Variants in FBXW10 observed in about 807,000 individuals in gnomAD.
FBXW10 encodes the protein F-box/WD repeat-containing protein 10.
In FBXW10, 68 loss-of-function variants were observed where a neutral mutation model predicts 113.1. The observed-to-expected ratio is 0.60, with a 90% confidence interval of 0.49 to 0.74. FBXW10 has a LOEUF of 0.74. Ranked by LOEUF, FBXW10 falls within the 30% of genes least tolerant of loss-of-function variation. FBXW10 has a pLI of 0.00. For synonymous variants in FBXW10, 289 were observed against 481.6 expected (o/e 0.60, Z 5.24); for missense variants, 753 against 1,284.5 (o/e 0.59, Z 6.32).
chr17:18,763,004 A>G (rs1324861765), intron 7 of FBXW10, among the ~76,000 whole-genome samples: 1 of 148,778 alleles, frequency 6.7e-6, no homozygotes, highest in Admixed American at 6.8e-5. Context: ...CTGTGGCTGC[A>G]TTGTAGGCTC....
At chr17:18,751,466 G>T (rs2035170023) in intron 5 of FBXW10, among the ~76,000 whole-genome samples, 1 of 152,116 alleles carries the variant, frequency 6.6e-6, no homozygotes, top group African/African-American at 2.4e-5. Flanking sequence ...TCCTGACCTT[G>T]TGATCCTCCC....
At chr17:18,758,611 G>A (rs574491263) in intron 7 of FBXW10, 106 bp downstream of exon 7, 1 of 1,330,330 alleles carries the variant, frequency 7.5e-7, no homozygotes, top group East Asian at 2.7e-5. Flanking sequence ...AGTTTTCCTA[G>A]AAGATACTGA....
At position 18,746,876 on chromosome 17, in the gene FBXW10, C is replaced by T. The variant is rs2035047353; in HGVS notation, c.506-1065C>T. ...ATTCACCATAGGAATGGGCTATTTA[C>T]ACTGGAGTTGTGTTAAGTCCTATTA... is the stretch of plus-strand genomic sequence containing the variant. On this transcript the variant is annotated intron_variant, in intron 1 of 13. Coordinates refer to ENST00000395665, the MANE Select transcript of FBXW10 (RefSeq NM_001267585.2). Among the ~76,000 whole-genome samples, 3 of 151,840 alleles carry T rather than the reference C, an allele frequency of 2.0e-5. No homozygotes were observed. The South Asian group carries it at 6.2e-4, about 31-fold the overall frequency.
chr17:18,748,058 C>G lies in FBXW10; in HGVS notation c.623C>G (p.Ser208Cys), dbSNP rs1216807813. ...ACTCAGCACACATCCCTTCCTTTGT[C>G]CAAAGCCCCAGAAAATGAACACTTG... ...AKTQHTSLPL[S>C]KAPENEHLLG... is the part of the protein sequence containing the mutation. Residue 208 changes from serine (S) to cysteine (C), a missense_variant, in exon 2 of 14, where the codon TCC becomes TGC. Coordinates refer to ENST00000395665, the MANE Select transcript of FBXW10 (RefSeq NM_001267585.2). The G allele has an allele frequency of 2.5e-6, 4 of 1,613,866 alleles. No individual in the cohort carries two copies. Among genetic ancestry groups the G allele is most frequent in the Non-Finnish European group, 3.4e-6 (4 of 1,179,860 alleles).
intron 11 of FBXW10, among the ~76,000 whole-genome samples, chr17:18,771,105 T>G (rs56009532): frequency 0.095 from 13,133 of 138,874 alleles, 597 homozygotes; most frequent in African/African-American, 0.11. Context: ...GTCATGCTGC[T>G]AAAAAAAAAA....
chr17:18,755,872 G>T (rs1597592395), intron 5 of FBXW10, among the ~76,000 whole-genome samples, 173 bp from the exon 6 acceptor site: 1 of 152,122 alleles, frequency 6.6e-6, no homozygotes, highest in Non-Finnish European at 1.5e-5. Context: ...CTAACTCATG[G>T]TTTCCTTTGG....
At chr17:18,776,912 GA>G (rs2035709848) in intron 13 of FBXW10, among the ~76,000 whole-genome samples, 1 of 151,726 alleles carries the variant, frequency 6.6e-6, no homozygotes, top group Non-Finnish European at 1.5e-5. Flanking sequence ...TACTAACTTG[GA>G]AAGAGATCCA....
At chr17:18,755,902 C>G in intron 5 of FBXW10, 143 bp from the exon 6 acceptor site, 1 of 661,078 alleles carries the variant, frequency 1.5e-6, no homozygotes, top group Non-Finnish European at 2.5e-6. Context: ...ACTGGCTGCT[C>G]CCTTCTCTGC....
intron 7 of FBXW10, among the ~76,000 whole-genome samples, chr17:18,761,268 CTTT>C (rs71284781): frequency 7.1e-6 from 1 of 140,692 alleles, no homozygotes. Context: ...TTTCACTTTT[CTTT>C]TTTTTTTTTT....
chr17:18,758,002 C>T (rs945235476), intron 6 of FBXW10, among the ~76,000 whole-genome samples: 18 of 152,296 alleles, frequency 1.2e-4, no homozygotes, highest in African/African-American at 3.8e-4. Flanking sequence ...CAATTAAATC[C>T]GGGCAATGCC....
rs1207625976 is a variant in FBXW10, at chr17:18,772,649, C to T, written c.2244C>T (p.Ser748=). 2 of 1,613,044 alleles carry T rather than the reference C, an allele frequency of 1.2e-6. No homozygotes were observed. Among genetic ancestry groups the T allele is most frequent in the African/African-American group, 1.3e-5 (1 of 74,786 alleles). The stretch of plus-strand genomic sequence containing the variant: ...TCCTACCAGGCAAACCTCCCAAGTC[C>T]CGAGTACTCCTGAAGCCGGCCAAGT... ...QELLPGKPPK[S]RVLLKPAKFS... is the part of the protein sequence containing the mutation. The change falls in exon 12 of 14, where the codon TCC becomes TCT. Residue 748 remains serine, a synonymous_variant. Transcript: ENST00000395665.
At chr17:18,757,446 G>A (rs2035287976) in intron 6 of FBXW10, among the ~76,000 whole-genome samples, 1 of 152,172 alleles carries the variant, frequency 6.6e-6, no homozygotes, top group African/African-American at 2.4e-5. Context: ...CCTGTTTATT[G>A]GAACAATCCC....
intron 2 of FBXW10, 114 bp from the exon 3 acceptor site, chr17:18,749,608 G>A: frequency 7.2e-7 from 1 of 1,394,842 alleles, no homozygotes; most frequent in Non-Finnish European, 9.9e-7. Flanking sequence ...GTGGCCTAAG[G>A]TTAGAGTCTG....
intron 13 of FBXW10, among the ~76,000 whole-genome samples, chr17:18,777,835 G>T (rs1390055703): frequency 6.6e-6 from 1 of 151,766 alleles, no homozygotes; most frequent in East Asian, 1.9e-4. Context: ...GAGCCACCGC[G>T]CCCGGCCTCA....
chr17:18,772,579 G>A lies in FBXW10; in HGVS notation c.2174G>A (p.Ser725Asn), dbSNP rs2035636303. 1 of 1,613,918 alleles carries A rather than the reference G, an allele frequency of 6.2e-7. No individual in the cohort carries two copies. Among genetic ancestry groups the A allele is most frequent in the Non-Finnish European group, 8.5e-7 (1 of 1,179,888 alleles). ...TCTAAGTGTAATATTCAGGTTCACAGCCCAAGAGAGTCTGTATCCAGTAAA... is the reference window on the plus strand; with the variant it reads ...TCTAAGTGTAATATTCAGGTTCACAACCCAAGAGAGTCTGTATCCAGTAAA... Reference protein sequence around the residue: ...ILSKCNIQVHSPRESVSSKQT... With the variant: ...ILSKCNIQVHNPRESVSSKQT... The change falls in exon 12 of 14, where the codon AGC (serine) becomes AAC (asparagine). Residue 725 changes from serine to asparagine, a missense_variant. Coordinates refer to ENST00000395665, the MANE Select transcript of FBXW10 (RefSeq NM_001267585.2).
At chr17:18,761,560 C>T (rs550930753) in intron 7 of FBXW10, among the ~76,000 whole-genome samples, 9 of 152,204 alleles carry the variant, frequency 5.9e-5, no homozygotes, top group African/African-American at 1.4e-4. Context: ...CCACCGCGCC[C>T]GGCCTCACTT....
Position 18,744,973 on chromosome 17 carries a change from G to A in FBXW10, c.505+224G>A, listed in dbSNP as rs1277117894. On this transcript the variant is annotated intron_variant, in intron 1 of 13. Transcript: ENST00000395665. The stretch of plus-strand genomic sequence containing the variant: ...CTTCTTGAAAATGATCAATGCAGGA[G>A]GAAGTACACAACTTTTAACTCACAA... The A allele has an allele frequency of 2.8e-5, 40 of 1,423,094 alleles. No homozygotes were observed. In the Admixed American group the frequency reaches 1.1e-3, roughly 40 times the overall value. 88.2% of individuals were successfully genotyped at this position (1,423,094 alleles called of 1,614,324 possible). A position where few individuals can be genotyped will look rare whatever the true frequency, so the allele number is the denominator to read the frequency against.
At chr17:18,765,481 C>T (rs1025237583) in intron 8 of FBXW10, among the ~76,000 whole-genome samples, 11 of 152,238 alleles carry the variant, frequency 7.2e-5, no homozygotes, top group East Asian at 3.8e-4. Context: ...AACCCAACTT[C>T]TCTATGCCTC....
Position 18,748,050 on chromosome 17 carries a change from T to A in FBXW10, c.615T>A (p.Leu205=). The A allele has an allele frequency of 6.2e-7, 1 of 1,613,794 alleles. No homozygotes were observed. The highest frequency in any genetic ancestry group is 8.5e-7 in the Non-Finnish European group (1 of 1,179,836). ...YWTAKTQHTS[L]PLSKAPENEH... The stretch of plus-strand genomic sequence containing the variant: ...CAGCCAAAACTCAGCACACATCCCT[T>A]CCTTTGTCCAAAGCCCCAGAAAATG... Residue 205 remains leucine (L), a synonymous_variant, in exon 2 of 14, where the codon CTT becomes CTA. Transcript: ENST00000395665.
Sources: allele counts gnomAD v4.1 joint callset (sites outside exome capture counted in the v4.1 genomes callset), GRCh38; gene constraint gnomAD v4.1.1; transcripts MANE v1.5; gene names NCBI Gene and HGNC (gene_info 2026-07-23, HGNC 2026-07-21).